The following USH2A variants were observed in gnomAD, a reference collection of about 807,000 sequenced individuals.
USH2A encodes usherin, also known as Usher syndrome 2A (autosomal recessive, mild).
In USH2A, 443 loss-of-function variants were observed where a neutral mutation model predicts 538.9. The ratio of observed to expected loss-of-function variants is 0.82; its 90% CI spans 0.76 to 0.89. The LOEUF is 0.89. USH2A is among the 40% of genes least tolerant of loss of function. The probability of loss-of-function intolerance (pLI) is 0.00; values close to 1 mark genes in which losing one functional copy is unlikely to be tolerated. For synonymous variants in USH2A, 2,413 were observed against 2,273.5 expected, an observed-to-expected ratio of 1.06 and a Z score of -1.75; for missense variants, 6,633 against 6,324.8, an observed-to-expected ratio of 1.05 and a Z score of -1.65.
At chr1:215,858,943 G>T (rs1043238396) in intron 44 of USH2A, among the ~76,000 whole-genome samples, 5 of 152,078 alleles carry the variant, frequency 3.3e-5, no homozygotes, top group Non-Finnish European at 7.4e-5. Flanking sequence ...TGATCAAGGC[G>T]CCAGCAAATT....
intron 9 of USH2A, among the ~76,000 whole-genome samples, chr1:216,303,672 A>T (rs540341522): frequency 6.6e-6 from 1 of 152,082 alleles, no homozygotes; most frequent in East Asian, 1.9e-4. Context: ...GTTAATTACT[A>T]ATTGTTAGCC....
intron 30 of USH2A, among the ~76,000 whole-genome samples, chr1:216,050,562 T>TCTTTCTC (rs1558231629): frequency 1.6e-4 from 5 of 31,658 alleles, no homozygotes; most frequent in African/African-American, 4.0e-4. Flanking sequence ...TTGTATCTTT[T>TCTTTCTC]TCTTTCTTTC....
chr1:215,844,541 A>G, intron 45 of USH2A, 45 bp from the exon 46 acceptor site: 1 of 1,590,652 alleles, frequency 6.3e-7, no homozygotes, highest in Non-Finnish European at 8.5e-7. Context: ...CTGTCTCTGA[A>G]AAAGCACATG....
At chr1:215,627,870 T>C (rs1316435929) in intron 71 of USH2A, among the ~76,000 whole-genome samples, 22 of 152,324 alleles carry the variant, frequency 1.4e-4, no homozygotes, top group Admixed American at 1.4e-3. Context: ...TGGTAGGTAC[T>C]GCAGCGGGCA....
intron 13 of USH2A, among the ~76,000 whole-genome samples, chr1:216,236,314 C>A (rs1419715320): frequency 5.3e-5 from 8 of 152,186 alleles, no homozygotes; most frequent in African/African-American, 1.9e-4. Flanking sequence ...GACCCCTCAT[C>A]CTTCAAGAAT....
At chr1:216,170,907 T>C (rs1244018174) in intron 21 of USH2A, among the ~76,000 whole-genome samples, 1 of 152,144 alleles carries the variant, frequency 6.6e-6, no homozygotes, top group African/African-American at 2.4e-5. Flanking sequence ...TTGCTATTTC[T>C]GTGTTGGAAG....
At chr1:216,247,532 TAAA>T (rs2036077247) in intron 12 of USH2A, among the ~76,000 whole-genome samples, 1 of 152,218 alleles carries the variant, frequency 6.6e-6, no homozygotes, top group Non-Finnish European at 1.5e-5. Flanking sequence ...TAACAAATCT[TAAA>T]AACTATTTTA....
chr1:216,328,062 A>G (rs1381758870), intron 4 of USH2A, among the ~76,000 whole-genome samples: 1 of 151,972 alleles, frequency 6.6e-6, no homozygotes, highest in African/African-American at 2.4e-5. Flanking sequence ...AAGATTCCTC[A>G]CTCTCACATC....
chr1:216,248,025 T>C (rs1247226474), intron 12 of USH2A, among the ~76,000 whole-genome samples: 1 of 152,132 alleles, frequency 6.6e-6, no homozygotes, highest in Non-Finnish European at 1.5e-5. Flanking sequence ...ATAAAACTTA[T>C]CCAGGGCAAT....
chr1:215,818,753 A>T (rs1266824593), intron 47 of USH2A, among the ~76,000 whole-genome samples: 1 of 151,824 alleles, frequency 6.6e-6, no homozygotes, highest in Non-Finnish European at 1.5e-5. Flanking sequence ...AATGTTACAG[A>T]ACTTAAATTC....
chr1:216,120,070 A>G (rs922457375), intron 21 of USH2A, among the ~76,000 whole-genome samples: 3 of 152,108 alleles, frequency 2.0e-5, no homozygotes, highest in African/African-American at 7.2e-5. Context: ...AAGCAGATAC[A>G]TATTTTTTTC....
chr1:216,079,914 G>T lies in USH2A; in HGVS notation c.5299-1552C>A, dbSNP rs1452176409. 7 of 152,262 alleles carry T rather than the reference G, an allele frequency of 4.6e-5. No homozygotes were observed. The East Asian group carries it at 1.4e-3, about 29-fold the overall frequency. The allele number at this position is 152,262 out of a possible 1,614,324, so 9.4% of individuals were successfully genotyped here. ...CCTGGTAAAAAAGGTAAATGAGTTAGATGAATTAAAAAGAAATTAAGAACA... is the reference window on the plus strand; with the variant it reads ...CCTGGTAAAAAAGGTAAATGAGTTATATGAATTAAAAAGAAATTAAGAACA... On this transcript the variant is annotated intron_variant, in intron 26 of 71. Coordinates refer to ENST00000307340, the MANE Select transcript of USH2A (RefSeq NM_206933.4).
At chr1:216,116,253 C>T (rs955328986) in intron 21 of USH2A, among the ~76,000 whole-genome samples, 4 of 151,816 alleles carry the variant, frequency 2.6e-5, no homozygotes, top group Non-Finnish European at 4.4e-5. Context: ...AATAAACATA[C>T]AGATACTTCA....
rs564244907 is a variant in USH2A at position 216,029,655 on chromosome 1, A to T, written c.6325+16776T>A. On this transcript the variant is annotated intron_variant, in intron 32 of 71. Transcript: ENST00000307340. ...AAACAGTGTACAAACCAGGATATAT[A>T]GGGTCATTGCAGTTTACCACTGTAT... Among the ~76,000 whole-genome samples, 19 of 152,078 alleles carry T rather than the reference A, an allele frequency of 1.2e-4. No individual in the cohort carries two copies. The East Asian group carries it at 3.7e-3, about 29-fold the overall frequency.
chr1:216,230,898 T>TCA (rs71161408), intron 14 of USH2A, among the ~76,000 whole-genome samples: 3,393 of 146,884 alleles, frequency 0.023, 41 homozygotes, highest in Non-Finnish European at 0.031. Flanking sequence ...TCTCTCTCTC[T>TCA]CACACACACA....
At chr1:215,780,176 C>CA in intron 54 of USH2A, 135 bp from the exon 55 acceptor site, 1 of 1,007,260 alleles carries the variant, frequency 9.9e-7, no homozygotes. Context: ...AAGCATTTCC[C>CA]TTTTTTTTCA....
chr1:215,912,725 G>T (rs1291994836), intron 38 of USH2A, among the ~76,000 whole-genome samples: 1 of 151,858 alleles, frequency 6.6e-6, no homozygotes. Context: ...AAGTCATGGG[G>T]GTTTAGTGTA....
intron 15 of USH2A, among the ~76,000 whole-genome samples, chr1:216,208,922 G>C (rs549668782): frequency 1.3e-5 from 2 of 152,086 alleles, no homozygotes; most frequent in African/African-American, 4.8e-5. Flanking sequence ...GTTTTTATTG[G>C]GGGCTGTTCC....
chr1:216,161,883 G>T (rs1474397361), intron 21 of USH2A, among the ~76,000 whole-genome samples: 1 of 151,816 alleles, frequency 6.6e-6, no homozygotes, highest in East Asian at 1.9e-4. Flanking sequence ...TTCATTTATT[G>T]TTGTTGTTGA....
Sources: gnomAD v4.1 joint callset for allele counts (sites outside exome capture counted in the v4.1 genomes callset) on GRCh38, gnomAD v4.1.1 for gene constraint, MANE v1.5 for transcripts, NCBI Gene and HGNC (gene_info 2026-07-23, HGNC 2026-07-21) for gene names.